ATP6V1B1: variants seen among roughly 807,000 people sequenced by gnomAD.
ATP6V1B1 encodes the protein ATPase H+ transporting V1 subunit B1.
Under a neutral mutation model 62.1 loss-of-function variants are expected in ATP6V1B1, and 41 were observed. The observed-to-expected ratio is 0.66, with a 90% CI of 0.51 to 0.86. The LOEUF (loss-of-function observed/expected upper bound fraction) is 0.86. ATP6V1B1 is among the 40% of genes least tolerant of loss of function. The pLI is 0.00. For synonymous variants in ATP6V1B1, 253 were observed against 273.4 expected (o/e 0.93, Z 0.74); for missense variants, 651 against 697.5 (o/e 0.93, Z 0.75).
In ATP6V1B1 at chr2:70,959,091, C is replaced by A. The variant is rs921020254; in HGVS notation, c.441C>A (p.Ile147=). The part of the protein sequence containing the change: ...PVVMAEDFLD[I]NGQPINPHSR... ...TCATGGCGGAGGACTTTCTGGATAT[C>A]AATGGTGAGTGACTGGAGGTTCTGG... The change falls in exon 5 of 14, where the codon ATC becomes ATA. Residue 147 remains isoleucine (I), a synonymous_variant. Coordinates refer to ENST00000234396, the MANE Select transcript of ATP6V1B1 (RefSeq NM_001692.4). This position sits in a 1 kb window ranked among gnomAD's most constrained non-coding sequence, Gnocchi z 4.2. 1.9e-6 allele frequency: 3 copies of A among 1,614,000 alleles called. No homozygotes were observed. The African/African-American group carries it at 4.0e-5, about 22-fold the overall frequency.
In ATP6V1B1 at chr2:70,962,806, C is replaced by T. The variant is rs145735762; in HGVS notation, c.815C>T (p.Ala272Val). 3,918 of 1,614,108 alleles carry T rather than the reference C, an allele frequency of 2.4e-3. 8 individuals carry two copies. The highest frequency in any genetic ancestry group is 3.0e-3 in the Non-Finnish European group (3,589 of 1,180,024). ...TIERIITPRL[A>V]LTTAEFLAYQ... ...GAGCGGATCATCACCCCGCGCCTGG[C>T]GCTGACCACTGCTGAATTCCTTGCC... The change falls in exon 9 of 14, where the codon GCG becomes GTG. Residue 272 changes from alanine to valine, a missense_variant. Coordinates refer to ENST00000234396, the MANE Select transcript of ATP6V1B1 (RefSeq NM_001692.4).
At chr2:70,958,955 A>G (rs782194159) in intron 4 of ATP6V1B1, 63 bp from the exon 5 acceptor site, 74 of 1,505,906 alleles carry the variant, frequency 4.9e-5, no homozygotes, top group Non-Finnish European at 6.4e-5. Flanking sequence ...TGTGGAGGGT[A>G]GACAGTAGTG....
At chr2:70,944,082 G>A (rs1680084830) in intron 2 of ATP6V1B1, 3 of 1,293,836 alleles carry the variant, frequency 2.3e-6, no homozygotes, top group Non-Finnish European at 3.0e-6. Flanking sequence ...CCTCCTCGAG[G>A]GCTAGACTCT....
chr2:70,937,928 G>T (rs959023157), intron 1 of ATP6V1B1, among the ~76,000 whole-genome samples: 2 of 152,042 alleles, frequency 1.3e-5, no homozygotes, highest in East Asian at 3.9e-4. Flanking sequence ...GGCTGTGCCC[G>T]CCCCCCATGT....
intron 1 of ATP6V1B1, among the ~76,000 whole-genome samples, chr2:70,938,195 A>G (rs187982381): frequency 4.9e-5 from 7 of 144,258 alleles, no homozygotes; most frequent in Admixed American, 4.1e-4. Context: ...CTTCATCCAC[A>G]GTGTCTCCCA....
At position 70,959,795 on chromosome 2, in the gene ATP6V1B1, C is replaced by A; in HGVS notation, c.446-144C>A. 1 of 1,184,384 alleles carries A rather than the reference C, an allele frequency of 8.4e-7. No homozygotes were observed. The highest frequency in any genetic ancestry group is 1.2e-6 in the Non-Finnish European group (1 of 817,658). 73.4% of individuals were successfully genotyped at this position (1,184,384 alleles called of 1,614,324 possible). On this transcript the variant is annotated intron_variant, in intron 5 of 13. Coordinates refer to ENST00000234396, the MANE Select transcript of ATP6V1B1 (RefSeq NM_001692.4). This position sits in a 1 kb window ranked among gnomAD's most constrained non-coding sequence, Gnocchi z 4.2. The stretch of plus-strand genomic sequence containing the variant: ...CAATAGCCATTTGTATCTAGGGCTA[C>A]ATCAGGCAGCACGGCCAGAGCACGT...
At position 70,945,511 on chromosome 2, in the gene ATP6V1B1, AG is replaced by A. The variant is rs572645602; in HGVS notation, c.174+1799del. 4.4e-3 allele frequency among the ~76,000 whole-genome samples: 665 copies of A among 152,050 alleles called. 6 individuals carry two copies. Among genetic ancestry groups the A allele is most frequent in the African/African-American group, 0.015 (636 of 41,516 alleles). ...TAGAGTATGTAGAAAGGAATGACAA[AG>A]AATGGGGGATTGTGTCTGTGCATTT... On this transcript the variant is annotated intron_variant, in intron 2 of 13. Transcript: ENST00000234396.
chr2:70,961,962 C>T (rs1680598391), intron 8 of ATP6V1B1: 3 of 543,118 alleles, frequency 5.5e-6, no homozygotes, highest in African/African-American at 1.9e-5. Context: ...CAACTCAGGG[C>T]TCCTCATCTC....
At chr2:70,936,381 T>G (rs1679853587) in intron 1 of ATP6V1B1, among the ~76,000 whole-genome samples, 1 of 151,348 alleles carries the variant, frequency 6.6e-6, no homozygotes, top group East Asian at 1.9e-4. Flanking sequence ...CCCCTGAGAG[T>G]GGGGTGTGCT....
chr2:70,964,076 G>C, intron 11 of ATP6V1B1: 1 of 380,740 alleles, frequency 2.6e-6, no homozygotes, highest in Non-Finnish European at 4.7e-6. Context: ...GTAGGTTAAA[G>C]GTGACCTCTA....
intron 1 of ATP6V1B1, chr2:70,940,834 A>G (rs1679979762): frequency 1.0e-6 from 1 of 983,482 alleles, no homozygotes; most frequent in Non-Finnish European, 1.2e-6. Flanking sequence ...GAAGGAGCAG[A>G]TGGGGTCAGT....
intron 1 of ATP6V1B1, chr2:70,941,567 A>G (rs1413812577): frequency 1.2e-6 from 1 of 816,068 alleles, no homozygotes; most frequent in Non-Finnish European, 1.5e-6. Flanking sequence ...TTCCCTTAGG[A>G]GCACCCACTG....
At chr2:70,950,811 A>G (rs1481324920) in intron 2 of ATP6V1B1, among the ~76,000 whole-genome samples, 1 of 152,102 alleles carries the variant, frequency 6.6e-6, no homozygotes, top group Non-Finnish European at 1.5e-5. Flanking sequence ...TCAATTTTAT[A>G]AAAATTTGCA....
intron 2 of ATP6V1B1, among the ~76,000 whole-genome samples, chr2:70,953,909 A>T (rs1004805130): frequency 5.3e-5 from 8 of 152,166 alleles, no homozygotes; most frequent in Admixed American, 4.6e-4. Flanking sequence ...TATTCATGTT[A>T]TCTAATTTCT....
chr2:70,943,824 C>T (rs1314582604), intron 2 of ATP6V1B1, 111 bp downstream of exon 2: 9 of 1,436,854 alleles, frequency 6.3e-6, no homozygotes, highest in Middle Eastern at 2.4e-4. Context: ...CCCCCAGGGC[C>T]TGCTCTGTTC....
chr2:70,942,340 C>A (rs1377973976), intron 1 of ATP6V1B1: 1 of 398,682 alleles, frequency 2.5e-6, no homozygotes. Flanking sequence ...GTCCTCAAGG[C>A]CCGGAGTTTT....
intron 1 of ATP6V1B1, chr2:70,943,280 C>T (rs759518545): frequency 2.3e-6 from 1 of 431,050 alleles, no homozygotes. Context: ...TTTTCGGCCA[C>T]AGCCGGGGGC....
At position 70,962,659 on chromosome 2, in the gene ATP6V1B1, A is replaced by T. The variant is rs936694213; in HGVS notation, c.786-118A>T. On this transcript the variant is annotated intron_variant, in intron 8 of 13. Coordinates refer to ENST00000234396, the MANE Select transcript of ATP6V1B1 (RefSeq NM_001692.4). ...ATGGGGGCAAGGGCTCATCTTATCCATTCCTCTGCCACTATGCACAACACC... is the reference window on the plus strand; with the variant it reads ...ATGGGGGCAAGGGCTCATCTTATCCTTTCCTCTGCCACTATGCACAACACC... 47 of 1,520,744 alleles carry T rather than the reference A, an allele frequency of 3.1e-5. No homozygotes were observed. The African/African-American group carries it at 6.5e-4, about 21-fold the overall frequency. 94.2% of individuals were successfully genotyped at this position (1,520,744 alleles called of 1,614,324 possible).
At chr2:70,961,740 G>A (rs367583052) in intron 8 of ATP6V1B1, 47 bp downstream of exon 8, 156 of 1,575,218 alleles carry the variant, frequency 9.9e-5, no homozygotes, top group Middle Eastern at 3.3e-4. Flanking sequence ...GGCAGACCCC[G>A]TCCCCTTCCA....
Sources: gnomAD v4.1 joint callset for allele counts (sites outside exome capture counted in the v4.1 genomes callset) on GRCh38, gnomAD v4.1.1 for gene constraint, Gnocchi (gnomAD v3.1) non-coding constraint, MANE v1.5 for transcripts, NCBI Gene and HGNC (gene_info 2026-07-23, HGNC 2026-07-21) for gene names.